The following LMCD1 variants were observed in gnomAD, a reference collection of about 807,000 sequenced individuals.
The protein encoded by LMCD1 is LIM and cysteine-rich domains protein 1.
In LMCD1, 32 loss-of-function variants were observed where a neutral mutation model predicts 42.7. That is an observed-to-expected ratio of 0.75 (90% CI 0.57 to 1.01). The LOEUF (loss-of-function observed/expected upper bound fraction) is 1.01. Among genes scored for constraint, LMCD1 ranks in the 50% least tolerant of loss-of-function variants. The pLI, the probability that LMCD1 is intolerant of heterozygous loss-of-function variation, is 0.00. For synonymous variants in LMCD1, 178 were observed against 184.9 expected (o/e 0.96, Z 0.30); for missense variants, 458 against 483.1 (o/e 0.95, Z 0.49).
intron 1 of LMCD1, among the ~76,000 whole-genome samples, chr3:8,507,234 C>A (rs1322872698): frequency 2.6e-5 from 4 of 152,214 alleles, no homozygotes; most frequent in Non-Finnish European, 5.9e-5. Context: ...TCTGCAAAAG[C>A]TCTAGAAAAT....
At chr3:8,540,845 T>C (rs1694612341) in intron 3 of LMCD1, among the ~76,000 whole-genome samples, 1 of 152,192 alleles carries the variant, frequency 6.6e-6, no homozygotes, top group Non-Finnish European at 1.5e-5. Context: ...CAGAGGCCCG[T>C]GAGGAGCCAA....
intron 1 of LMCD1, among the ~76,000 whole-genome samples, chr3:8,507,272 G>A (rs1693902757): frequency 6.6e-6 from 1 of 152,194 alleles, no homozygotes; most frequent in Non-Finnish European, 1.5e-5. Flanking sequence ...TATAGAAAGA[G>A]TTACATATGA....
rs1465361857 is a variant in LMCD1, at chr3:8,509,101, TA to T, written c.42+7124del. Among the ~76,000 whole-genome samples, 6 of 152,326 alleles carry T rather than the reference TA, an allele frequency of 3.9e-5. No individual in the cohort carries two copies. In the East Asian group the frequency reaches 9.6e-4, roughly 24 times the overall value. ...ACATTTAAACGATAGTTTAATGAGGTAAAGTGCATAAAGTGCCTGGATACAT... is the reference window on the plus strand; with the variant it reads ...ACATTTAAACGATAGTTTAATGAGGTAAGTGCATAAAGTGCCTGGATACAT... On this transcript the variant is annotated intron_variant, in intron 1 of 5. Transcript: ENST00000157600.
Position 8,573,699 on chromosome 3 carries a change from C to G in LMCD1, c.*6101C>G, listed in dbSNP as rs1358180525. The G allele has an allele frequency of 1.3e-5, 2 of 152,076 alleles. No homozygotes were observed. Among genetic ancestry groups the G allele is most frequent in the Non-Finnish European group, 2.9e-5 (2 of 68,014 alleles). The allele number at this position is 152,076 out of a possible 1,614,324, so 9.4% of individuals were successfully genotyped here. ...GCAAAACGATCTCCTGGTCTGATTC[C>G]TTTGGGTCTCTAATAATGGAAACTG... On this transcript the variant is annotated 3_prime_UTR_variant, in exon 6 of 6. Transcript: ENST00000157600.
At position 8,548,766 on chromosome 3, in the gene LMCD1, G is replaced by A. The variant is rs150819156; in HGVS notation, c.586G>A (p.Val196Met). Residue 196 changes from valine to methionine, a missense_variant, in exon 4 of 6, where the codon GTG becomes ATG. Val to Met is a conservative substitution (Grantham distance 21). Coordinates refer to ENST00000157600, the MANE Select transcript of LMCD1 (RefSeq NM_014583.4). ...VKQYKSEALG[V>M]GEVALPGQGG... is the part of the protein sequence containing the mutation. The stretch of plus-strand genomic sequence containing the variant: ...GCAATATAAGAGCGAGGCCCTCGGC[G>A]TGGGAGAAGTGGCCCTCCCGGGGCA... The A allele has an allele frequency of 1.8e-5, 29 of 1,612,710 alleles. No homozygotes were observed. Among genetic ancestry groups the A allele is most frequent in the East Asian group, 6.7e-5 (3 of 44,850 alleles).
rs1553606064 is a variant in LMCD1, at chr3:8,524,687, C to CTGGTGTTGT, written c.43-8048_43-8047insGTGTTGTTG. Among the ~76,000 whole-genome samples, 16 of 151,646 alleles carry CTGGTGTTGT rather than the reference C, an allele frequency of 1.1e-4. 1 individual carries two copies. The highest frequency in any genetic ancestry group is 2.1e-4 in the Non-Finnish European group (14 of 67,728). On this transcript the variant is annotated intron_variant, in intron 1 of 5. Coordinates refer to ENST00000157600, the MANE Select transcript of LMCD1 (RefSeq NM_014583.4). ...ATAACTTGATGGATTTGTGATGTTG[C>CTGGTGTTGT]TGTTGTTGTTGTTGTTGAGACAGGG... is the stretch of plus-strand genomic sequence containing the variant.
At chr3:8,538,724 C>A (rs2125025876) in intron 3 of LMCD1, among the ~76,000 whole-genome samples, 1 of 152,256 alleles carries the variant, frequency 6.6e-6, no homozygotes, top group Middle Eastern at 3.4e-3. Flanking sequence ...TTTTTTATTT[C>A]TTTTCGTTTC....
intron 3 of LMCD1, among the ~76,000 whole-genome samples, chr3:8,546,420 T>C (rs1013421193): frequency 1.3e-5 from 2 of 152,230 alleles, no homozygotes; most frequent in Non-Finnish European, 2.9e-5. Flanking sequence ...GCTGTGGTTC[T>C]TTTAAGTAAT....
chr3:8,550,313 A>G (rs1694819084), intron 4 of LMCD1: 2 of 999,802 alleles, frequency 2.0e-6, no homozygotes, highest in Non-Finnish European at 2.4e-6. Flanking sequence ...TTCTATGGCA[A>G]TTAACTTTTG....
intron 2 of LMCD1, 122 bp from the exon 3 acceptor site, chr3:8,537,063 G>A (rs559778475): frequency 4.7e-5 from 52 of 1,099,264 alleles, no homozygotes; most frequent in African/African-American, 1.1e-4. Flanking sequence ...CCATTTGTCC[G>A]CTGCTAGTTT....
Position 8,515,543 on chromosome 3 carries a change from C to T in LMCD1, c.42+13563C>T, listed in dbSNP as rs561235797. Among the ~76,000 whole-genome samples the T allele has an allele frequency of 3.1e-4, 47 of 152,308 alleles. 1 individual carries two copies. The South Asian group carries it at 9.3e-3, about 30-fold the overall frequency. On this transcript the variant is annotated intron_variant, in intron 1 of 5. Coordinates refer to ENST00000157600, the MANE Select transcript of LMCD1 (RefSeq NM_014583.4). ...CCTGTACCATCATATCCTGTTTATG[C>T]TGAAATTCTCCATGTTATGCTCCTT...
At chr3:8,549,022 T>C in intron 4 of LMCD1, 119 bp downstream of exon 4, 5 of 732,118 alleles carry the variant, frequency 6.8e-6, no homozygotes, top group Non-Finnish European at 1.1e-5. Context: ...AATTTGTGCA[T>C]TCAGCAGATA....
At chr3:8,547,557 A>G (rs1264121325) in intron 3 of LMCD1, among the ~76,000 whole-genome samples, 1 of 152,198 alleles carries the variant, frequency 6.6e-6, no homozygotes, top group African/African-American at 2.4e-5. Flanking sequence ...GTTCTGAGAA[A>G]TGTGTCCTCA....
intron 1 of LMCD1, among the ~76,000 whole-genome samples, chr3:8,524,341 C>T (rs1328363106): frequency 6.6e-6 from 1 of 152,156 alleles, no homozygotes; most frequent in African/African-American, 2.4e-5. Context: ...GGGGACCACC[C>T]CTCGCCTCAG....
At chr3:8,556,833 C>T (rs1360451998) in intron 4 of LMCD1, among the ~76,000 whole-genome samples, 1 of 152,186 alleles carries the variant, frequency 6.6e-6, no homozygotes, top group Non-Finnish European at 1.5e-5. Context: ...CACTTCATCA[C>T]ATAACCAGGG....
At chr3:8,566,981 G>C (rs1559359267) in intron 5 of LMCD1, among the ~76,000 whole-genome samples, 1 of 152,168 alleles carries the variant, frequency 6.6e-6, no homozygotes, top group East Asian at 1.9e-4. Flanking sequence ...TAAACATTAT[G>C]CTCCTCTGCA....
rs571501038 is a variant in LMCD1 at position 8,514,114 on chromosome 3, T to TACAC, written c.42+12137_42+12138insCACA. 5.9e-3 allele frequency among the ~76,000 whole-genome samples: 895 copies of TACAC among 152,246 alleles called. 10 individuals are homozygous for TACAC. Among genetic ancestry groups the TACAC allele is most frequent in the South Asian group, 1.0e-2 (48 of 4,820 alleles). On this transcript the variant is annotated intron_variant, in intron 1 of 5. Transcript: ENST00000157600. The stretch of plus-strand genomic sequence containing the variant: ...GATGATTGATAGATAGATACATACA[T>TACAC]ACATACATACATAGAGAGATCTGGG...
At chr3:8,558,620 T>G (rs1336514918) in intron 4 of LMCD1, among the ~76,000 whole-genome samples, 1 of 152,188 alleles carries the variant, frequency 6.6e-6, no homozygotes, top group Non-Finnish European at 1.5e-5. Flanking sequence ...AAAGCATTCT[T>G]CTCCATGCCT....
At chr3:8,522,386 C>T (rs901705605) in intron 1 of LMCD1, among the ~76,000 whole-genome samples, 1 of 152,084 alleles carries the variant, frequency 6.6e-6, no homozygotes, top group African/African-American at 2.4e-5. Context: ...CAAGAGTCTG[C>T]CCTGCGGAGC....
Sources: gnomAD v4.1 joint callset for allele counts (sites outside exome capture counted in the v4.1 genomes callset) on GRCh38, gnomAD v4.1.1 for gene constraint, MANE v1.5 for transcripts, NCBI Gene and HGNC (gene_info 2026-07-23, HGNC 2026-07-21) for gene names.